HORMAD2: variants seen among roughly 807,000 people sequenced by gnomAD.
The protein encoded by HORMAD2 is HORMA domain containing 2.
In HORMAD2, 45 loss-of-function variants were observed where a neutral mutation model predicts 38.8. The ratio of observed to expected loss-of-function variants is 1.16; its 90% CI spans 0.91 to 1.49. The LOEUF (loss-of-function observed/expected upper bound fraction) is 1.49, where lower values mean the gene tolerates loss of function less well. Among genes scored for constraint, HORMAD2 ranks in the 40% most tolerant of loss-of-function variants. The probability of loss-of-function intolerance (pLI) is 0.00; values close to 1 mark genes in which losing one functional copy is unlikely to be tolerated. For synonymous variants in HORMAD2, 126 were observed against 122.8 expected (o/e 1.03, Z -0.17); for missense variants, 338 against 367.0 (o/e 0.92, Z 0.65).
At chr22:30,173,404 G>A (rs1382961873) in intron 10 of HORMAD2, among the ~76,000 whole-genome samples, 2 of 152,152 alleles carry the variant, frequency 1.3e-5, no homozygotes, top group Non-Finnish European at 2.9e-5. Context: ...TGGGAATAGA[G>A]GACAATGGAT....
intron 2 of HORMAD2, among the ~76,000 whole-genome samples, chr22:30,095,109 A>C (rs1409092157): frequency 1.3e-5 from 2 of 152,202 alleles, no homozygotes; most frequent in Non-Finnish European, 2.9e-5. Flanking sequence ...CTGGCAATCG[A>C]AAAATCTTAC....
downstream of HORMAD2, among the ~76,000 whole-genome samples, chr22:30,180,606 T>A (rs1926656165): frequency 6.6e-6 from 1 of 152,216 alleles, no homozygotes; most frequent in Non-Finnish European, 1.5e-5. Flanking sequence ...AAAATCTGAA[T>A]AATAATTACA....
chr22:30,094,720 G>A (rs1328076858), intron 2 of HORMAD2, among the ~76,000 whole-genome samples: 5 of 152,148 alleles, frequency 3.3e-5, no homozygotes, highest in Non-Finnish European at 7.3e-5. Flanking sequence ...CATGAAAGAG[G>A]TAAGACTGAA....
At chr22:30,158,255 A>G (rs1351271496) in intron 10 of HORMAD2, among the ~76,000 whole-genome samples, 1 of 152,010 alleles carries the variant, frequency 6.6e-6, no homozygotes, top group African/African-American at 2.4e-5. Flanking sequence ...ATATCCACAA[A>G]GTAAAAAAAA....
intron 8 of HORMAD2, among the ~76,000 whole-genome samples, chr22:30,120,586 CA>C (rs1325680917): frequency 6.6e-6 from 1 of 152,046 alleles, no homozygotes; most frequent in Non-Finnish European, 1.5e-5. Context: ...GATAAATGAA[CA>C]AAGTTTAGAA....
chr22:30,180,780 TTTCCC>T (rs1926663371), downstream of HORMAD2, among the ~76,000 whole-genome samples: 3 of 150,882 alleles, frequency 2.0e-5, no homozygotes, highest in African/African-American at 7.3e-5. Context: ...CTTCCCTTCC[TTTCCC>T]TTCCCTTCCC....
At chr22:30,143,665 C>A (rs1924230253) in intron 10 of HORMAD2, among the ~76,000 whole-genome samples, 1 of 152,054 alleles carries the variant, frequency 6.6e-6, no homozygotes, top group Non-Finnish European at 1.5e-5. Context: ...CTTTTTCTTA[C>A]TCAGAAGTGC....
the HORMAD2 span, among the ~76,000 whole-genome samples, chr22:30,192,754 C>A: frequency 2.0e-5 from 3 of 152,042 alleles, no homozygotes; most frequent in Non-Finnish European, 4.4e-5. Flanking sequence ...TTCCATTATG[C>A]CACTCCTTGC....
intron 10 of HORMAD2, among the ~76,000 whole-genome samples, chr22:30,174,112 A>G (rs1434893814): frequency 3.9e-5 from 6 of 152,232 alleles, no homozygotes; most frequent in Admixed American, 3.3e-4. Flanking sequence ...AACAGATCAT[A>G]GTAGCGTCTT....
chr22:30,136,558 A>T (rs1325539833), intron 10 of HORMAD2: 1 of 152,166 alleles, frequency 6.6e-6, no homozygotes, highest in Non-Finnish European at 1.5e-5. Flanking sequence ...GAAGTCATAT[A>T]CTATGATGAA....
chr22:30,095,928 TGTCTTC>T (rs2068773819), intron 2 of HORMAD2, among the ~76,000 whole-genome samples: 1 of 152,150 alleles, frequency 6.6e-6, no homozygotes, highest in Non-Finnish European at 1.5e-5. Context: ...CCTCTCATGC[TGTCTTC>T]TAGTTATTAT....
intron 2 of HORMAD2, among the ~76,000 whole-genome samples, chr22:30,095,661 C>T (rs768892441): frequency 2.6e-5 from 4 of 151,962 alleles, no homozygotes; most frequent in Non-Finnish European, 4.4e-5. Flanking sequence ...TAAAACAGTA[C>T]CTAGAATGTA....
intron 2 of HORMAD2, 63 bp from the exon 3 acceptor site, chr22:30,098,789 T>A (rs1920925811): frequency 3.6e-6 from 5 of 1,371,638 alleles, no homozygotes; most frequent in Non-Finnish European, 5.0e-6. Flanking sequence ...TATGTGGTAA[T>A]GATGTGCTAA....
chr22:30,086,529 C>A (rs2068573482), intron 1 of HORMAD2, among the ~76,000 whole-genome samples: 1 of 152,110 alleles, frequency 6.6e-6, no homozygotes, highest in Non-Finnish European at 1.5e-5. Flanking sequence ...TGAGTCAAAT[C>A]TTGAAGCCAT....
chr22:30,122,052 A>G lies in HORMAD2; in HGVS notation c.657A>G (p.Gln219=). The change falls in exon 10 of 11, where the codon CAA becomes CAG. Residue 219 remains glutamine (Q), a synonymous_variant. Coordinates refer to ENST00000336726, the MANE Select transcript of HORMAD2 (RefSeq NM_152510.4). ...TTGACAAGGAGCCTATCAACGTGCA[A>G]GTGGGATTTGTCTCCACTGGCTTTC... ...LLFDKEPINV[Q]VGFVSTGFHS... 5 of 1,613,658 alleles carry G rather than the reference A, an allele frequency of 3.1e-6. No homozygotes were observed. The South Asian group carries it at 4.4e-5, about 14-fold the overall frequency.
chr22:30,176,307 T>C lies in HORMAD2; in HGVS notation c.*140T>C. The C allele has an allele frequency of 1.6e-6, 1 of 632,700 alleles. No individual in the cohort carries two copies. The highest frequency in any genetic ancestry group is 2.0e-5 in the South Asian group (1 of 49,200). The allele number at this position is 632,700 out of a possible 1,614,324, so 39.2% of individuals were successfully genotyped here. A position where few individuals can be genotyped will look rare whatever the true frequency, so the allele number is the denominator to read the frequency against. On this transcript the variant is annotated 3_prime_UTR_variant, in exon 11 of 11. Transcript: ENST00000336726. ...TTGCTCAATTTTTTTTGTCAGTTGC[T>C]AAGTGCTAAATTACTGGCCAGGTAG...
intron 10 of HORMAD2, among the ~76,000 whole-genome samples, chr22:30,143,859 T>G (rs1309908071): frequency 6.6e-6 from 1 of 152,086 alleles, no homozygotes. Context: ...TCTTGCAAGA[T>G]CTGGTTGTTT....
chr22:30,143,256 T>A (rs1464795468), intron 10 of HORMAD2, among the ~76,000 whole-genome samples: 1 of 152,218 alleles, frequency 6.6e-6, no homozygotes, highest in Non-Finnish European at 1.5e-5. Context: ...TATAAGAGCA[T>A]CTTTACTGAT....
At chr22:30,089,966 G>T (rs1472390286) in intron 1 of HORMAD2, among the ~76,000 whole-genome samples, 1 of 151,978 alleles carries the variant, frequency 6.6e-6, no homozygotes, top group Non-Finnish European at 1.5e-5. Context: ...CATATAAGTG[G>T]GATCATATAA....
Sources: allele counts gnomAD v4.1 joint callset (sites outside exome capture counted in the v4.1 genomes callset), GRCh38; gene constraint gnomAD v4.1.1; transcripts MANE v1.5; gene names NCBI Gene and HGNC (gene_info 2026-07-23, HGNC 2026-07-21).